The following LRRC37A2 variants were observed in gnomAD, a reference collection of about 807,000 sequenced individuals.
LRRC37A2 encodes the protein leucine-rich repeat-containing protein 37A2.
In LRRC37A2, 9 loss-of-function variants were observed where a neutral mutation model predicts 68.8. That is an observed-to-expected ratio of 0.13 (90% CI 0.08 to 0.23). The LOEUF (loss-of-function observed/expected upper bound fraction) is 0.23. Among genes scored for constraint, LRRC37A2 ranks in the 10% least tolerant of loss-of-function variants. The pLI, the probability that LRRC37A2 is intolerant of heterozygous loss-of-function variation, is 1.00. For synonymous variants in LRRC37A2, 63 were observed against 367.6 expected (o/e 0.17, Z 9.48); for missense variants, 168 against 950.4 (o/e 0.18, Z 10.82).
the LRRC37A2 span, among the ~76,000 whole-genome samples, chr17:46,717,825 G>A: frequency 2.6e-5 from 4 of 152,180 alleles, no homozygotes; most frequent in Non-Finnish European, 4.4e-5. Flanking sequence ...CGGAAATCAC[G>A]CTTAACAACT....
the LRRC37A2 span, chr17:47,019,437 C>A: frequency 6.2e-7 from 1 of 1,610,762 alleles, no homozygotes; most frequent in Non-Finnish European, 8.5e-7. Flanking sequence ...AACTCAGCCT[C>A]CAGACCTAGG....
the LRRC37A2 span, among the ~76,000 whole-genome samples, chr17:46,900,191 A>C: frequency 7.9e-6 from 1 of 127,374 alleles, no homozygotes; most frequent in Non-Finnish European, 1.5e-5. Context: ...ATATATATAT[A>C]TATATATATA....
chr17:46,714,093 G>T, the LRRC37A2 span: 1 of 1,237,650 alleles, frequency 8.1e-7, no homozygotes. Flanking sequence ...TAGCAACTAT[G>T]TTCTTCTCAA....
At chr17:46,976,887 C>A in the LRRC37A2 span, among the ~76,000 whole-genome samples, 1 of 152,198 alleles carries the variant, frequency 6.6e-6, no homozygotes, top group Non-Finnish European at 1.5e-5. Flanking sequence ...GGCTGGACTT[C>A]CTGCAAGTCA....
chr17:46,845,222 A>G, the LRRC37A2 span, among the ~76,000 whole-genome samples: 1 of 151,810 alleles, frequency 6.6e-6, no homozygotes, highest in Non-Finnish European at 1.5e-5. Flanking sequence ...AAAACACCCC[A>G]ACGTAGAGTC....
At chr17:46,898,167 T>C in the LRRC37A2 span, among the ~76,000 whole-genome samples, 1 of 152,152 alleles carries the variant, frequency 6.6e-6, no homozygotes, top group Non-Finnish European at 1.5e-5. Context: ...CTCCACATTT[T>C]TCAGCGTTAG....
chr17:46,913,297 C>A, the LRRC37A2 span, among the ~76,000 whole-genome samples: 1 of 152,338 alleles, frequency 6.6e-6, no homozygotes, highest in South Asian at 2.1e-4. Flanking sequence ...TACCTCACAC[C>A]GGGCACTGAG....
At chr17:46,734,265 G>C in the LRRC37A2 span, among the ~76,000 whole-genome samples, 1 of 152,028 alleles carries the variant, frequency 6.6e-6, no homozygotes, top group Non-Finnish European at 1.5e-5. Context: ...ATTAACTCTG[G>C]CTAATGACTA....
chr17:46,763,778 A>C, the LRRC37A2 span: 44 of 148,494 alleles, frequency 3.0e-4, no homozygotes, highest in African/African-American at 1.0e-3. Flanking sequence ...AAGCCATTTG[A>C]GCTAGAGAAG....
At chr17:46,579,941 G>C in the LRRC37A2 span, among the ~76,000 whole-genome samples, 1 of 143,770 alleles carries the variant, frequency 7.0e-6, no homozygotes, top group Non-Finnish European at 1.5e-5. Flanking sequence ...CGACCAATCA[G>C]AAAAGCAAAA....
chr17:46,924,199 A>G, the LRRC37A2 span: 2 of 224,044 alleles, frequency 8.9e-6, no homozygotes, highest in South Asian at 1.8e-4. Flanking sequence ...GATACTTAAT[A>G]TAAGTGGAGT....
the LRRC37A2 span, chr17:46,851,642 C>T: frequency 7.1e-6 from 9 of 1,274,628 alleles, no homozygotes; most frequent in South Asian, 5.4e-5. The surrounding 1 kb of genome is among the most constrained non-coding windows in gnomAD (Gnocchi z 4.3). Context: ...CAGCACCATG[C>T]GCCCCCCGCC....
chr17:46,890,170 C>T, the LRRC37A2 span, among the ~76,000 whole-genome samples: 3 of 152,204 alleles, frequency 2.0e-5, no homozygotes, highest in Non-Finnish European at 2.9e-5. Flanking sequence ...CCCCGCTGCT[C>T]CTGCAGTCTT....
chr17:46,877,593 G>A, the LRRC37A2 span, among the ~76,000 whole-genome samples: 4 of 152,142 alleles, frequency 2.6e-5, no homozygotes, highest in Admixed American at 6.5e-5. Context: ...CACTCCCAGC[G>A]CAGAGGAGGA....
chr17:46,789,963 C>T, the LRRC37A2 span, among the ~76,000 whole-genome samples: 27 of 152,300 alleles, frequency 1.8e-4, no homozygotes, highest in South Asian at 2.1e-4. Context: ...CATCCCCCCA[C>T]GGCGCTGAGG....
the LRRC37A2 span, among the ~76,000 whole-genome samples, chr17:46,819,602 A>G: frequency 5.3e-5 from 8 of 152,216 alleles, no homozygotes; most frequent in African/African-American, 1.9e-4. This position sits in a 1 kb window ranked among gnomAD's most constrained non-coding sequence, Gnocchi z 5.3. Context: ...GGTCCTTGGA[A>G]GACCTTGCTG....
the LRRC37A2 span, among the ~76,000 whole-genome samples, chr17:46,494,728 T>C: frequency 6.6e-6 from 1 of 151,352 alleles, no homozygotes; most frequent in Non-Finnish European, 1.5e-5. Context: ...TTTATAAGGG[T>C]ACATGTAATA....
chr17:46,545,476 AATT>A (rs2056157232), intron 8 of LRRC37A2, among the ~76,000 whole-genome samples: 1 of 115,900 alleles, frequency 8.6e-6, no homozygotes, highest in Admixed American at 8.9e-5. Flanking sequence ...TCCCCTTGGT[AATT>A]AATAAATAAT....
chr17:46,770,225 T>C, the LRRC37A2 span, among the ~76,000 whole-genome samples: 13 of 152,316 alleles, frequency 8.5e-5, no homozygotes, highest in East Asian at 2.3e-3. Context: ...TTAGACCCAG[T>C]TGGGTATTCC....
Sources: allele counts gnomAD v4.1 joint callset (sites outside exome capture counted in the v4.1 genomes callset), GRCh38; gene constraint gnomAD v4.1.1; non-coding constraint Gnocchi (gnomAD v3.1); transcripts MANE v1.5; gene names NCBI Gene and HGNC (gene_info 2026-07-23, HGNC 2026-07-21).